QTGAL: variants seen among roughly 807,000 people sequenced by gnomAD.
QTGAL encodes the protein queuosine-tRNA galactosyltransferase, also known as BGnT-like protein 1.
the QTGAL span, among the ~76,000 whole-genome samples, chr17:83,010,000 G>A: frequency 7.1e-6 from 1 of 141,808 alleles, no homozygotes; most frequent in African/African-American, 2.6e-5. Context: ...GGCCCCTGGT[G>A]TTGGGGGGCT....
chr17:83,001,058 G>A, the QTGAL span, among the ~76,000 whole-genome samples: 4 of 152,186 alleles, frequency 2.6e-5, no homozygotes, highest in African/African-American at 4.8e-5. Context: ...TGTCAAAACC[G>A]ATCAAACTGT....
At chr17:83,018,080 T>C in the QTGAL span, among the ~76,000 whole-genome samples, 4 of 60,762 alleles carry the variant, frequency 6.6e-5, no homozygotes, top group South Asian at 7.2e-4. Context: ...ACGTGCTCCG[T>C]GAACACCGTG....
At chr17:82,959,060 GTGTACAC>G in the QTGAL span, among the ~76,000 whole-genome samples, 1 of 122,068 alleles carries the variant, frequency 8.2e-6, no homozygotes, top group African/African-American at 3.3e-5. Flanking sequence ...GTGTGTGTGT[GTGTACAC>G]TGGGGGTGTA....
At chr17:82,960,928 A>G in the QTGAL span, 2 of 1,358,032 alleles carry the variant, frequency 1.5e-6, no homozygotes, top group Non-Finnish European at 2.0e-6. Flanking sequence ...GTCCCACCAG[A>G]CCCTGGGTCT....
At chr17:83,019,605 C>T in the QTGAL span, among the ~76,000 whole-genome samples, 4 of 152,064 alleles carry the variant, frequency 2.6e-5, no homozygotes, top group African/African-American at 4.8e-5. Flanking sequence ...GAGGCGGAGG[C>T]GGCGGGGGCT....
At chr17:83,016,087 A>G in the QTGAL span, among the ~76,000 whole-genome samples, 3 of 152,194 alleles carry the variant, frequency 2.0e-5, no homozygotes, top group Non-Finnish European at 2.9e-5. Flanking sequence ...AGTGGTAGCT[A>G]CACAAATATT....
chr17:83,026,798 C>G, the QTGAL span, among the ~76,000 whole-genome samples: 1 of 128,318 alleles, frequency 7.8e-6, no homozygotes, highest in African/African-American at 3.0e-5. Flanking sequence ...CAAACCCACC[C>G]TCGACAGACA....
chr17:82,996,821 G>A, the QTGAL span, among the ~76,000 whole-genome samples: 2 of 152,198 alleles, frequency 1.3e-5, no homozygotes, highest in Non-Finnish European at 1.5e-5. Flanking sequence ...AATAAATGGT[G>A]TTGGGAAAAC....
chr17:83,024,790 C>A, the QTGAL span, among the ~76,000 whole-genome samples: 1 of 152,260 alleles, frequency 6.6e-6, no homozygotes, highest in Non-Finnish European at 1.5e-5. Context: ...CAGGCAGACG[C>A]TGTGATGCTG....
the QTGAL span, among the ~76,000 whole-genome samples, chr17:83,025,605 ACACACACGGACACCGCGGAGAGTC>A: frequency 0.16 from 22,167 of 138,086 alleles, 2,142 homozygotes; most frequent in Non-Finnish European, 0.21. Flanking sequence ...TGAAGTCCAC[ACACACACGGACACCGCGGAGAGTC>A]CACACACGGA....
chr17:83,032,120 G>A, the QTGAL span, among the ~76,000 whole-genome samples: 411 of 106,228 alleles, frequency 3.9e-3, no homozygotes, highest in Non-Finnish European at 4.9e-3. Flanking sequence ...CCCAGACCGA[G>A]CTCGGGAGCT....
At chr17:82,968,676 T>C in the QTGAL span, among the ~76,000 whole-genome samples, 28,669 of 152,242 alleles carry the variant, frequency 0.19, 3,194 homozygotes, top group South Asian at 0.28. Flanking sequence ...TGAGGGTGCC[T>C]GGGCCTGACT....
At chr17:83,046,704 C>A in the QTGAL span, among the ~76,000 whole-genome samples, 9 of 152,162 alleles carry the variant, frequency 5.9e-5, no homozygotes, top group Non-Finnish European at 8.8e-5. Context: ...CAATATGAGC[C>A]AGAAATTCTA....
the QTGAL span, among the ~76,000 whole-genome samples, chr17:82,950,383 G>C: frequency 6.6e-6 from 1 of 152,218 alleles, no homozygotes; most frequent in African/African-American, 2.4e-5. Flanking sequence ...ACAAGGAGAC[G>C]TGGAGTGGGC....
At chr17:82,983,411 C>G in the QTGAL span, among the ~76,000 whole-genome samples, 124,711 of 152,184 alleles carry the variant, frequency 0.82, 51,476 homozygotes, top group African/African-American at 0.92. Context: ...TTTTCATGCA[C>G]ACTTCGCCAG....
the QTGAL span, among the ~76,000 whole-genome samples, chr17:82,968,934 G>C: frequency 0.18 from 27,218 of 151,960 alleles, 2,775 homozygotes; most frequent in Admixed American, 0.24. Context: ...AGAAGTTTGA[G>C]ACCAGCCTGG....
At chr17:83,009,671 C>T in the QTGAL span, among the ~76,000 whole-genome samples, 3 of 152,022 alleles carry the variant, frequency 2.0e-5, no homozygotes, top group Middle Eastern at 3.2e-3. Flanking sequence ...GAGGGTCAAG[C>T]GTGTCTGGGT....
chr17:83,040,792 A>G, the QTGAL span, among the ~76,000 whole-genome samples: 1 of 152,176 alleles, frequency 6.6e-6, no homozygotes. Context: ...GAGGCTGGGC[A>G]CAGTGGCTCA....
the QTGAL span, chr17:82,942,431 G>C: frequency 2.5e-6 from 4 of 1,613,960 alleles, no homozygotes; most frequent in Non-Finnish European, 2.5e-6. Context: ...GCCTGAGCTT[G>C]TCTTGTCTCT....
Sources: allele counts gnomAD v4.1 joint callset (sites outside exome capture counted in the v4.1 genomes callset), GRCh38; gene constraint gnomAD v4.1.1; transcripts MANE v1.5; gene names NCBI Gene and HGNC (gene_info 2026-07-23, HGNC 2026-07-21).